UGGT1: variants seen among roughly 807,000 people sequenced by gnomAD.
UGGT1 encodes UDP-glucose:glycoprotein glucosyltransferase 1.
UGGT1 carries 107 observed loss-of-function variants against 203.9 expected under a neutral mutation model. The observed-to-expected ratio is 0.52, with a 90% CI of 0.45 to 0.62. UGGT1 has a LOEUF of 0.62. UGGT1 is among the 20% of genes least tolerant of loss of function. UGGT1 has a pLI of 0.00. For missense variants in UGGT1, 1,673 were observed against 1,867.2 expected (o/e 0.90, Z 1.92); for synonymous variants, 628 against 653.5 (o/e 0.96, Z 0.59).
At chr2:128,092,425 A>G (rs1686908239) in intron 1 of UGGT1, among the ~76,000 whole-genome samples, 1 of 151,674 alleles carries the variant, frequency 6.6e-6, no homozygotes, top group Non-Finnish European at 1.5e-5. Flanking sequence ...GGAAGTGACC[A>G]TAATACTTTG....
At chr2:128,124,374 G>T (rs1688516605) in intron 11 of UGGT1, among the ~76,000 whole-genome samples, 2 of 152,168 alleles carry the variant, frequency 1.3e-5, no homozygotes, top group Admixed American at 1.3e-4. Flanking sequence ...CATTGTGGCT[G>T]TTGAGAAATC....
chr2:128,103,689 G>T (rs1345401517), intron 2 of UGGT1, among the ~76,000 whole-genome samples: 1 of 151,366 alleles, frequency 6.6e-6, no homozygotes, highest in Non-Finnish European at 1.5e-5. Flanking sequence ...ATTATTCCAG[G>T]TTTCTTAAGA....
Position 128,171,297 on chromosome 2 carries a change from A to T in UGGT1, c.3104+13A>T. 6.2e-7 allele frequency: 1 copy of T among 1,606,926 alleles called. No individual in the cohort carries two copies. Among genetic ancestry groups the T allele is most frequent in the Non-Finnish European group, 8.5e-7 (1 of 1,176,510 alleles). On this transcript the variant is annotated intron_variant, in intron 28 of 40. Coordinates refer to ENST00000259253, the MANE Select transcript of UGGT1 (RefSeq NM_020120.4). ...TGCCTTTAAAAAGGTAAAACATGCT[A>T]TGTAAGAAAACAGTTGAAGAAATTG...
intron 10 of UGGT1, among the ~76,000 whole-genome samples, chr2:128,121,889 G>A (rs896486756): frequency 1.3e-5 from 2 of 152,204 alleles, no homozygotes; most frequent in African/African-American, 4.8e-5. Context: ...GCAGTGGAAC[G>A]AGAATTAAAA....
rs1690438826 is a variant in UGGT1, at chr2:128,159,790, C to T, written c.2562+70C>T. On this transcript the variant is annotated intron_variant, in intron 23 of 40. Transcript: ENST00000259253. ...ACGGAAGCTCACCCACTGCAGCTTA[C>T]GTGTCCGGTTCATGATCACGATTTG... 8 of 1,465,424 alleles carry T rather than the reference C, an allele frequency of 5.5e-6. No individual in the cohort carries two copies. In the East Asian group the frequency reaches 6.9e-5, roughly 13 times the overall value. The allele number at this position is 1,465,424 out of a possible 1,614,324, so 90.8% of individuals were successfully genotyped here. A position where few individuals can be genotyped will look rare whatever the true frequency, so the allele number is the denominator to read the frequency against.
At position 128,105,487 on chromosome 2, in the gene UGGT1, CTTTAT is replaced by C. The variant is rs70988607; in HGVS notation, c.277+1506_277+1510del. On this transcript the variant is annotated intron_variant, in intron 3 of 40. Coordinates refer to ENST00000259253, the MANE Select transcript of UGGT1 (RefSeq NM_020120.4). ...AGTGACTGCACCCAGCTAGATTTTA[CTTTAT>C]TTTATTTTATTTTATTTTATTTTAT... Among the ~76,000 whole-genome samples the C allele has an allele frequency of 4.8e-3, 695 of 145,430 alleles. 6 individuals are homozygous for C. Among genetic ancestry groups the C allele is most frequent in the African/African-American group, 0.014 (550 of 40,206 alleles).
chr2:128,097,635 G>A, intron 2 of UGGT1, 71 bp downstream of exon 2: 1 of 1,561,686 alleles, frequency 6.4e-7, no homozygotes, highest in Non-Finnish European at 8.7e-7. Context: ...ACATTCAGGA[G>A]CTTTTTAAGG....
rs1423352001 is a variant in UGGT1, at chr2:128,091,255, G to A, written c.-103G>A. ...TTGAGTCGAGCCGCGGGAAAGGCGC[G>A]TGTCGGCCTCTCACTGGCGCAGCCT... On this transcript the variant is annotated 5_prime_UTR_variant, in exon 1 of 41. The change creates a new upstream start codon in the 5' untranslated region. Transcript: ENST00000259253. The A allele has an allele frequency of 8.0e-6, 10 of 1,250,162 alleles. No individual in the cohort carries two copies. The highest frequency in any genetic ancestry group is 6.1e-5 in the South Asian group (4 of 65,552). 77.4% of individuals were successfully genotyped at this position (1,250,162 alleles called of 1,614,324 possible). A position where few individuals can be genotyped will look rare whatever the true frequency, so the allele number is the denominator to read the frequency against.
At chr2:128,128,519 G>A (rs573516961) in intron 12 of UGGT1, among the ~76,000 whole-genome samples, 20 of 151,958 alleles carry the variant, frequency 1.3e-4, no homozygotes, top group African/African-American at 2.2e-4. Flanking sequence ...TCACCATGTT[G>A]GCCAGGCTGG....
At chr2:128,091,550 C>T in intron 1 of UGGT1, 135 bp downstream of exon 1, 8 of 1,442,626 alleles carry the variant, frequency 5.5e-6, no homozygotes, top group Non-Finnish European at 7.3e-6. Context: ...TATCCCTTCC[C>T]CTATTCGCGA....
At chr2:128,109,329 T>C (rs1687744429) in intron 4 of UGGT1, among the ~76,000 whole-genome samples, 3 of 152,134 alleles carry the variant, frequency 2.0e-5, no homozygotes, top group Admixed American at 2.0e-4. Flanking sequence ...TCAGCCTCCT[T>C]AGTAGCTGGG....
chr2:128,157,212 C>T, intron 21 of UGGT1, 40 bp from the exon 22 acceptor site: 2 of 1,410,208 alleles, frequency 1.4e-6, no homozygotes, highest in South Asian at 2.3e-5. Context: ...GAATGTGCTT[C>T]TCTCCTCTGA....
chr2:128,104,085 A>G (rs1687499737), intron 3 of UGGT1, 71 bp downstream of exon 3: 2 of 1,216,514 alleles, frequency 1.6e-6, no homozygotes, highest in Non-Finnish European at 1.1e-6. Flanking sequence ...GTCTCTTTAT[A>G]GTATGTGTGG....
intron 38 of UGGT1, among the ~76,000 whole-genome samples, chr2:128,185,713 C>T (rs181270269): frequency 7.3e-5 from 11 of 151,556 alleles, no homozygotes; most frequent in South Asian, 2.1e-4. Flanking sequence ...CGGGCTCAAG[C>T]GATCTACCCA....
At chr2:128,092,605 C>CTTTTTTTTTTTTTT (rs55814829) in intron 1 of UGGT1, among the ~76,000 whole-genome samples, 19 of 126,670 alleles carry the variant, frequency 1.5e-4, no homozygotes, top group Non-Finnish European at 2.4e-4. Flanking sequence ...TTCTTTCTTT[C>CTTTTTTTTTTTTTT]TTTTTTTTTT....
intron 37 of UGGT1, 36 bp downstream of exon 37, chr2:128,182,326 G>T: frequency 6.4e-7 from 1 of 1,563,370 alleles, no homozygotes; most frequent in Non-Finnish European, 8.6e-7. Context: ...CTGTTACGGG[G>T]TTTTCCTTAA....
chr2:128,185,025 T>G (rs192549768), intron 38 of UGGT1, among the ~76,000 whole-genome samples: 126 of 152,028 alleles, frequency 8.3e-4, no homozygotes, highest in Non-Finnish European at 2.2e-4. Context: ...TCTTCTAATT[T>G]ATGGAGCTAC....
At position 128,176,867 on chromosome 2, in the gene UGGT1, A is replaced by G. The variant is rs749181032; in HGVS notation, c.3593A>G (p.Asn1198Ser). ...GCTGATGAGGTGGTTATCGTCCTCA[A>G]CAACTTCAAAAGCAAAATTATTAAA... ...PDADEVVIVL[N>S]NFKSKIIKVK... The change falls in exon 32 of 41, where the codon AAC becomes AGC. Residue 1198 changes from asparagine to serine, a missense_variant. This residue lies in a region of UGGT1 where 513 missense variants were observed against 684.1 expected (regional missense o/e 0.75). Coordinates refer to ENST00000259253, the MANE Select transcript of UGGT1 (RefSeq NM_020120.4). 3.7e-6 allele frequency: 6 copies of G among 1,614,164 alleles called. No individual in the cohort carries two copies. Among genetic ancestry groups the G allele is most frequent in the Non-Finnish European group, 3.4e-6 (4 of 1,180,010 alleles).
intron 26 of UGGT1, among the ~76,000 whole-genome samples, chr2:128,165,393 C>T (rs1156965169): frequency 6.6e-6 from 1 of 152,100 alleles, no homozygotes; most frequent in Non-Finnish European, 1.5e-5. Context: ...GACCCTGTCT[C>T]ACAAAAAAAT....
Sources: allele counts gnomAD v4.1 joint callset (sites outside exome capture counted in the v4.1 genomes callset), GRCh38; gene constraint gnomAD v4.1.1; regional missense constraint gnomAD v4.1.1; transcripts MANE v1.5; gene names NCBI Gene and HGNC (gene_info 2026-07-23, HGNC 2026-07-21).